Variants in CDC42BPB observed in about 807,000 individuals in gnomAD.
The protein encoded by CDC42BPB is CDC42 binding protein kinase beta, also known as serine/threonine-protein kinase MRCK beta.
CDC42BPB carries 37 observed loss-of-function variants against 214.9 expected under a neutral mutation model. That is an observed-to-expected ratio of 0.17 (90% CI 0.13 to 0.23). CDC42BPB has a LOEUF of 0.23. Among genes scored for constraint, CDC42BPB ranks in the 10% least tolerant of loss-of-function variants. CDC42BPB has a pLI of 1.00. For synonymous variants in CDC42BPB, 931 were observed against 884.0 expected (o/e 1.05, Z -0.94); for missense variants, 1,694 against 2,227.0 (o/e 0.76, Z 4.82).
chr14:103,023,040 C>A (rs1455548960), intron 1 of CDC42BPB, among the ~76,000 whole-genome samples: 2 of 151,292 alleles, frequency 1.3e-5, no homozygotes, highest in African/African-American at 4.9e-5. Flanking sequence ...GAGGCAGGGT[C>A]CCCCAGGCTG....
At chr14:102,982,550 C>A (rs1235272468) in intron 7 of CDC42BPB, among the ~76,000 whole-genome samples, 1 of 152,148 alleles carries the variant, frequency 6.6e-6, no homozygotes, top group Non-Finnish European at 1.5e-5. Flanking sequence ...GGGTGGATTG[C>A]CTGAAGTCAG....
In CDC42BPB at chr14:102,946,427, G is replaced by A. The variant is rs1338811135; in HGVS notation, c.3748+41C>T. On this transcript the variant is annotated intron_variant, in intron 28 of 36. Transcript: ENST00000361246. Reference sequence around the variant, plus strand: ...GCACTGCAGCGCCGCCGGAAGTGCTGTTGCTTCAGACACCTGAAGGACACA... The same window carrying A: ...GCACTGCAGCGCCGCCGGAAGTGCTATTGCTTCAGACACCTGAAGGACACA... The A allele has an allele frequency of 7.5e-6, 12 of 1,607,224 alleles. No homozygotes were observed. The East Asian group carries it at 2.7e-4, about 36-fold the overall frequency.
chr14:102,945,548 G>A (rs1892122233), intron 29 of CDC42BPB, 114 bp downstream of exon 29: 2 of 906,744 alleles, frequency 2.2e-6, no homozygotes, highest in Admixed American at 2.1e-5. Context: ...GGCCCCTCCG[G>A]CGCCTTCATC....
At chr14:102,990,069 C>T (rs1051448490) in intron 5 of CDC42BPB, among the ~76,000 whole-genome samples, 6 of 152,250 alleles carry the variant, frequency 3.9e-5, no homozygotes, top group Admixed American at 3.3e-4. Context: ...GAAGGGGCGA[C>T]GCTTCTGAGT....
chr14:103,039,731 G>A (rs1384500168), intron 1 of CDC42BPB, among the ~76,000 whole-genome samples: 1 of 152,120 alleles, frequency 6.6e-6, no homozygotes, highest in Non-Finnish European at 1.5e-5. Flanking sequence ...CCCTAGTGCT[G>A]TTTCTACCCT....
chr14:102,937,315 G>T (rs1423911915), intron 36 of CDC42BPB: 1 of 152,612 alleles, frequency 6.6e-6, no homozygotes, highest in Non-Finnish European at 1.5e-5. Flanking sequence ...AGAATAAAGG[G>T]TGGAACAGTA....
At chr14:102,939,534 C>G in intron 34 of CDC42BPB, 76 bp downstream of exon 34, 1 of 1,087,298 alleles carries the variant, frequency 9.2e-7, no homozygotes. Context: ...TTGGGACAGT[C>G]TCAGCCAGCA....
At chr14:102,986,685 T>TAAA in intron 5 of CDC42BPB, 105 bp from the exon 6 acceptor site, 8 of 1,471,790 alleles carry the variant, frequency 5.4e-6, no homozygotes, top group Non-Finnish European at 6.3e-6. Flanking sequence ...TAATATCCTC[T>TAAA]TGTGAACAGC....
chr14:102,939,805 A>C (rs1173258374), intron 33 of CDC42BPB, 25 bp downstream of exon 33: 1 of 1,613,852 alleles, frequency 6.2e-7, no homozygotes, highest in Non-Finnish European at 8.5e-7. Context: ...GAGGCCCAGC[A>C]GGCCCCGTGA....
intron 5 of CDC42BPB, among the ~76,000 whole-genome samples, chr14:102,995,421 T>G (rs979080751): frequency 6.6e-6 from 1 of 152,196 alleles, no homozygotes; most frequent in Admixed American, 6.5e-5. Flanking sequence ...GTGATCCACC[T>G]GCCTAGGCCT....
rs114266637 is a variant in CDC42BPB, at chr14:103,003,078, T to C, written c.447+850A>G. Among the ~76,000 whole-genome samples the C allele has an allele frequency of 7.8e-3, 1,189 of 152,216 alleles. 20 individuals carry two copies. The highest frequency in any genetic ancestry group is 0.028 in the African/African-American group (1,145 of 41,534). On this transcript the variant is annotated intron_variant, in intron 4 of 36. Transcript: ENST00000361246. ...CAAGGAAAAGGAAGCCTCGGGTCCC[T>C]GCTCTGAGGCTTGGTGACCACAGCG...
At chr14:103,049,079 G>A (rs1888461204) in intron 1 of CDC42BPB, among the ~76,000 whole-genome samples, 1 of 152,190 alleles carries the variant, frequency 6.6e-6, no homozygotes, top group Admixed American at 6.6e-5. Context: ...CAGAAAAAGA[G>A]CAAGGGGTGA....
chr14:102,934,841 G>A (rs758306918), intron 36 of CDC42BPB, among the ~76,000 whole-genome samples: 19 of 151,426 alleles, frequency 1.3e-4, no homozygotes, highest in East Asian at 5.9e-4. Context: ...CCCTGTCTCT[G>A]CTAAAAATAC....
In CDC42BPB at chr14:102,998,746, G is replaced by T. The variant is rs34539819; in HGVS notation, c.596+819C>A. Among the ~76,000 whole-genome samples the T allele has an allele frequency of 6.0e-3, 918 of 152,294 alleles. 13 individuals are homozygous for T. The highest frequency in any genetic ancestry group is 0.021 in the African/African-American group (876 of 41,562). On this transcript the variant is annotated intron_variant, in intron 5 of 36. Transcript: ENST00000361246. ...CTCTTCCTCAAGCCCTATTTCCTTT[G>T]TGAGTGTCCTGGGGCCCTTCAGGGG...
chr14:102,949,951 GC>G, intron 25 of CDC42BPB, 47 bp from the exon 26 acceptor site: 2 of 1,606,174 alleles, frequency 1.2e-6, no homozygotes, highest in Non-Finnish European at 1.7e-6. Flanking sequence ...GGCCAGGCAG[GC>G]CGCCAGGCCC....
At chr14:103,018,529 C>T (rs142537848) in intron 1 of CDC42BPB, among the ~76,000 whole-genome samples, 23 of 152,154 alleles carry the variant, frequency 1.5e-4, no homozygotes, top group Admixed American at 3.9e-4. Context: ...GAAGTCGCAT[C>T]GATAGTGTTG....
At chr14:102,965,386 AT>A (rs1350430236) in intron 18 of CDC42BPB, among the ~76,000 whole-genome samples, 1 of 140,936 alleles carries the variant, frequency 7.1e-6, no homozygotes, top group East Asian at 2.0e-4. Flanking sequence ...CCTACCTGTG[AT>A]TAAAAAAAAA....
In CDC42BPB at chr14:103,001,001, T is replaced by G. The variant is rs1341351806; in HGVS notation, c.448-1288A>C. On this transcript the variant is annotated intron_variant, in intron 4 of 36. Coordinates refer to ENST00000361246, the MANE Select transcript of CDC42BPB (RefSeq NM_006035.4). The surrounding 1 kb of genome is among the most constrained non-coding windows in gnomAD (Gnocchi z 5.8). ...GAAGCACCACACCGGTGGGCTTGTC[T>G]GAGGAAGGGAGCGGCCCAGCTAATC... 6.6e-6 allele frequency among the ~76,000 whole-genome samples: 1 copy of G among 152,168 alleles called. No individual in the cohort carries two copies. Among genetic ancestry groups the G allele is most frequent in the Non-Finnish European group, 1.5e-5 (1 of 68,010 alleles).
At chr14:102,940,162 G>GCGGC in intron 31 of CDC42BPB, 32 bp from the exon 32 acceptor site, 3 of 1,613,968 alleles carry the variant, frequency 1.9e-6, no homozygotes, top group Non-Finnish European at 2.5e-6. Flanking sequence ...GACAGTAAGC[G>GCGGC]CGGCCACGCA....
Sources: allele counts gnomAD v4.1 joint callset (sites outside exome capture counted in the v4.1 genomes callset), GRCh38; gene constraint gnomAD v4.1.1; non-coding constraint Gnocchi (gnomAD v3.1); transcripts MANE v1.5; gene names NCBI Gene and HGNC (gene_info 2026-07-23, HGNC 2026-07-21).